NR6A1: variants seen among roughly 807,000 people sequenced by gnomAD.
The protein encoded by NR6A1 is retinoic acid receptor-related testis-associated receptor.
Under a neutral mutation model 59.1 loss-of-function variants are expected in NR6A1, and 7 were observed. The observed-to-expected ratio is 0.12, with a 90% CI of 0.07 to 0.22. The LOEUF (loss-of-function observed/expected upper bound fraction) is 0.22, where lower values mean the gene tolerates loss of function less well. Among genes scored for constraint, NR6A1 ranks in the 10% least tolerant of loss-of-function variants. NR6A1 has a pLI of 1.00. For synonymous variants in NR6A1, 243 were observed against 236.1 expected (o/e 1.03, Z -0.27); for missense variants, 468 against 611.6 (o/e 0.77, Z 2.48).
At position 124,542,338 on chromosome 9, in the gene NR6A1, C is replaced by T. The variant is rs544461805; in HGVS notation, c.441+1464G>A. ...GAATCACACAGCCTGATTGAATGTACGCTGTGCTCATATGATAAGAAATCC... is the reference window on the plus strand; with the variant it reads ...GAATCACACAGCCTGATTGAATGTATGCTGTGCTCATATGATAAGAAATCC... On this transcript the variant is annotated intron_variant, in intron 4 of 9. Transcript: ENST00000487099. Among the ~76,000 whole-genome samples, 96 of 152,312 alleles carry T rather than the reference C, an allele frequency of 6.3e-4. 1 individual carries two copies. The South Asian group carries it at 0.018, about 29-fold the overall frequency.
chr9:124,568,187 A>G (rs1834328325), intron 2 of NR6A1, among the ~76,000 whole-genome samples: 1 of 146,054 alleles, frequency 6.8e-6, no homozygotes, highest in Non-Finnish European at 1.5e-5. Flanking sequence ...AAAAAAAAAA[A>G]AAAAAAAAGA....
In NR6A1 at chr9:124,700,422, T is replaced by C. The variant is rs138393429; in HGVS notation, c.142+32886A>G. On this transcript the variant is annotated intron_variant, in intron 2 of 9. Coordinates refer to ENST00000487099, the MANE Select transcript of NR6A1 (RefSeq NM_033334.4). ...TTTTAGTAAAGATGGGGTTTCACCA[T>C]GTTGGCAAGGCTGGTCTCGAACTGC... Among the ~76,000 whole-genome samples, 735 of 152,128 alleles carry C rather than the reference T, an allele frequency of 4.8e-3. 2 individuals are homozygous for C. Among genetic ancestry groups the C allele is most frequent in the Middle Eastern group, 0.027 (8 of 294 alleles).
chr9:124,589,522 C>T (rs1479678860), intron 2 of NR6A1, among the ~76,000 whole-genome samples: 2 of 152,192 alleles, frequency 1.3e-5, no homozygotes, highest in African/African-American at 4.8e-5. Flanking sequence ...TACACATACT[C>T]TTATAATAAT....
intron 2 of NR6A1, among the ~76,000 whole-genome samples, chr9:124,644,194 G>A (rs975309750): frequency 9.9e-5 from 15 of 151,526 alleles, no homozygotes; most frequent in Admixed American, 6.6e-4. Flanking sequence ...GAGCCACCGC[G>A]CCTGGCCTAA....
intron 2 of NR6A1, among the ~76,000 whole-genome samples, chr9:124,705,572 T>C (rs1446149226): frequency 1.3e-5 from 2 of 152,206 alleles, no homozygotes; most frequent in African/African-American, 4.8e-5. Flanking sequence ...ATGTCCATTA[T>C]TGAACTGACA....
chr9:124,537,884 T>C (rs757179440), intron 6 of NR6A1, among the ~76,000 whole-genome samples: 1 of 152,168 alleles, frequency 6.6e-6, no homozygotes, highest in Non-Finnish European at 1.5e-5. Context: ...AACTGGAAAG[T>C]AACCTCAACT....
rs766042179 is a variant in NR6A1 at position 124,538,183 on chromosome 9, T to C, written c.733A>G (p.Ser245Gly). The C allele has an allele frequency of 1.2e-6, 2 of 1,614,208 alleles. No homozygotes were observed. Among genetic ancestry groups the C allele is most frequent in the Admixed American group, 1.7e-5 (1 of 60,018 alleles). ...HSPLLPQQARSLDPQSYSLIH... is the reference protein window; with the variant it reads ...HSPLLPQQARGLDPQSYSLIH... ...AGACTGTATGACTGGGGATCCAGGC[T>C]GCGAGCTTGTTGGGGCAGAAGTGGT... Residue 245 changes from serine to glycine, a missense_variant, in exon 6 of 10, where the codon AGC becomes GGC. By Grantham distance (56) the Ser-to-Gly change is moderately conservative. This residue lies in a region of NR6A1 where 151 missense variants were observed against 142.8 expected (regional missense o/e 1.06). Transcript: ENST00000487099.
intron 8 of NR6A1, among the ~76,000 whole-genome samples, chr9:124,526,208 C>G (rs143809134): frequency 2.6e-5 from 4 of 152,186 alleles, no homozygotes; most frequent in African/African-American, 9.6e-5. Flanking sequence ...GCCAAGTGCC[C>G]CTTTGCAGGT....
intron 2 of NR6A1, among the ~76,000 whole-genome samples, chr9:124,573,288 A>C (rs1834497232): frequency 6.6e-6 from 1 of 152,220 alleles, no homozygotes; most frequent in Admixed American, 6.5e-5. Flanking sequence ...TTCAGTGCTT[A>C]AAGGGGTATC....
In NR6A1 at chr9:124,680,874, G is replaced by T. The variant is rs114143140; in HGVS notation, c.142+52434C>A. On this transcript the variant is annotated intron_variant, in intron 2 of 9. Coordinates refer to ENST00000487099, the MANE Select transcript of NR6A1 (RefSeq NM_033334.4). ...CACTATGTTGACATTTGTAATGATGGTACAAAGTCAATGCTGGGTTAAACT... is the reference window on the plus strand; with the variant it reads ...CACTATGTTGACATTTGTAATGATGTTACAAAGTCAATGCTGGGTTAAACT... Among the ~76,000 whole-genome samples, 364 of 152,272 alleles carry T rather than the reference G, an allele frequency of 2.4e-3. 1 individual carries two copies. Among genetic ancestry groups the T allele is most frequent in the African/African-American group, 8.1e-3 (336 of 41,544 alleles).
chr9:124,567,100 T>A (rs1466363031), intron 2 of NR6A1, among the ~76,000 whole-genome samples: 1 of 148,250 alleles, frequency 6.7e-6, no homozygotes, highest in Non-Finnish European at 1.5e-5. Flanking sequence ...AGAGCGAGAC[T>A]CCGTCTCAAA....
At chr9:124,541,940 T>C (rs1397888443) in intron 4 of NR6A1, among the ~76,000 whole-genome samples, 1 of 152,238 alleles carries the variant, frequency 6.6e-6, no homozygotes, top group Non-Finnish European at 1.5e-5. Context: ...TACTGCATGA[T>C]TCCACTTTAT....
At chr9:124,650,909 T>C (rs979204953) in intron 2 of NR6A1, among the ~76,000 whole-genome samples, 1 of 151,964 alleles carries the variant, frequency 6.6e-6, no homozygotes, top group African/African-American at 2.4e-5. Context: ...CTAAGGGGTA[T>C]AATCACCACC....
chr9:124,683,930 T>C (rs1368909698), intron 2 of NR6A1, among the ~76,000 whole-genome samples: 1 of 152,226 alleles, frequency 6.6e-6, no homozygotes, highest in African/African-American at 2.4e-5. Flanking sequence ...ATACTTCTAA[T>C]AGATGTATTA....
chr9:124,686,871 T>A (rs1484703623), intron 2 of NR6A1, among the ~76,000 whole-genome samples: 1 of 151,808 alleles, frequency 6.6e-6, no homozygotes, highest in Non-Finnish European at 1.5e-5. Context: ...GCTCAGCTAA[T>A]TTTTTATTTT....
At chr9:124,543,647 C>T (rs560408219) in intron 4 of NR6A1, among the ~76,000 whole-genome samples, 155 bp downstream of exon 4, 1 of 152,260 alleles carries the variant, frequency 6.6e-6, no homozygotes, top group Admixed American at 6.5e-5. Flanking sequence ...TTTCAAAGCA[C>T]TTTCACATCC....
chr9:124,609,070 C>T (rs1026567203), intron 2 of NR6A1, among the ~76,000 whole-genome samples: 4 of 152,040 alleles, frequency 2.6e-5, no homozygotes, highest in African/African-American at 9.7e-5. Context: ...AAAATTTTCT[C>T]CCATTCTATA....
rs2131312457 is a variant in NR6A1 at position 124,522,657 on chromosome 9, GC to G, written c.*47del. 6.8e-7 allele frequency: 1 copy of G among 1,478,982 alleles called. No homozygotes were observed. Among genetic ancestry groups the G allele is most frequent in the South Asian group, 1.2e-5 (1 of 81,982 alleles). The allele number at this position is 1,478,982 out of a possible 1,614,324, so 91.6% of individuals were successfully genotyped here. On this transcript the variant is annotated 3_prime_UTR_variant, in exon 10 of 10. Coordinates refer to ENST00000487099, the MANE Select transcript of NR6A1 (RefSeq NM_033334.4). The stretch of plus-strand genomic sequence containing the variant: ...GGCTTTTCCCTCCAGAGCCTGTCCT[GC>G]CCACCCAAGACGCTGTGGTTGGCCT...
intron 2 of NR6A1, among the ~76,000 whole-genome samples, chr9:124,642,266 T>C (rs1225462641): frequency 1.3e-5 from 2 of 152,172 alleles, no homozygotes. Context: ...GCCAGGCTGG[T>C]CTCGAACTCC....
Sources: gnomAD v4.1 joint callset for allele counts (sites outside exome capture counted in the v4.1 genomes callset) on GRCh38, gnomAD v4.1.1 for gene constraint, gnomAD v4.1.1 regional missense constraint, MANE v1.5 for transcripts, NCBI Gene and HGNC (gene_info 2026-07-23, HGNC 2026-07-21) for gene names.